The following RCOR1 variants were observed in gnomAD, a reference collection of about 807,000 sequenced individuals.
The protein encoded by RCOR1 is REST corepressor.
In RCOR1, 12 loss-of-function variants were observed where a neutral mutation model predicts 64.0. The observed-to-expected ratio is 0.19, with a 90% CI of 0.12 to 0.30. The LOEUF (loss-of-function observed/expected upper bound fraction) is 0.30, where lower values mean the gene tolerates loss of function less well. RCOR1 is among the 10% of genes least tolerant of loss of function. The pLI, the probability that RCOR1 is intolerant of heterozygous loss-of-function variation, is 1.00. For missense variants in RCOR1, 502 were observed against 621.2 expected, an observed-to-expected ratio of 0.81 and a Z score of 2.04; for synonymous variants, 279 against 227.2, an observed-to-expected ratio of 1.23 and a Z score of -2.05.
chr14:102,676,047 T>C (rs905127739), intron 2 of RCOR1, among the ~76,000 whole-genome samples: 16 of 142,780 alleles, frequency 1.1e-4, no homozygotes, highest in Non-Finnish European at 2.3e-4. Flanking sequence ...TTTTTTTTTT[T>C]TCCCCAAGGC....
chr14:102,624,698 C>T (rs1482318382), intron 2 of RCOR1, among the ~76,000 whole-genome samples: 1 of 150,068 alleles, frequency 6.7e-6, no homozygotes, highest in Non-Finnish European at 1.5e-5. Context: ...CCTAGGAGGT[C>T]GAGGTTCCAG....
chr14:102,639,093 T>C (rs1894304558), intron 2 of RCOR1, among the ~76,000 whole-genome samples: 1 of 152,176 alleles, frequency 6.6e-6, no homozygotes, highest in Non-Finnish European at 1.5e-5. Flanking sequence ...GTTTATAACT[T>C]GTTGCTAGGC....
intron 2 of RCOR1, among the ~76,000 whole-genome samples, chr14:102,676,834 G>A (rs1367153941): frequency 4.3e-5 from 4 of 92,176 alleles, no homozygotes; most frequent in African/African-American, 1.7e-4. Flanking sequence ...CCTCCCGGAC[G>A]GGGCGGCTGG....
intron 2 of RCOR1, among the ~76,000 whole-genome samples, chr14:102,678,172 C>G (rs993169708): frequency 1.3e-5 from 2 of 152,034 alleles, no homozygotes; most frequent in African/African-American, 4.8e-5. Context: ...AGCTTTGGCT[C>G]GGCATCAGAG....
intron 3 of RCOR1, among the ~76,000 whole-genome samples, chr14:102,687,964 C>CT (rs10712788): frequency 0.054 from 7,332 of 135,582 alleles, 306 homozygotes; most frequent in Non-Finnish European, 0.07. Flanking sequence ...ATAGCATTTC[C>CT]TTTTTTTTTT....
intron 2 of RCOR1, among the ~76,000 whole-genome samples, chr14:102,593,715 G>A (rs1349417721): frequency 1.3e-5 from 2 of 152,152 alleles, no homozygotes; most frequent in Non-Finnish European, 2.9e-5. Context: ...CCGGACTTAG[G>A]AGGTCCCCAG....
At chr14:102,652,274 A>G (rs1222126806) in intron 2 of RCOR1, among the ~76,000 whole-genome samples, 1 of 152,216 alleles carries the variant, frequency 6.6e-6, no homozygotes, top group Non-Finnish European at 1.5e-5. Flanking sequence ...ACTCTCCTTC[A>G]GTCTAGGCAG....
intron 2 of RCOR1, chr14:102,657,300 A>G: frequency 1.0e-6 from 1 of 985,262 alleles, no homozygotes; most frequent in Non-Finnish European, 1.2e-6. Flanking sequence ...CTTTTAGGCG[A>G]TATGTCCTCA....
At chr14:102,707,308 G>A (rs767876442) in intron 4 of RCOR1, 43 bp from the exon 5 acceptor site, 1 of 1,435,108 alleles carries the variant, frequency 7.0e-7, no homozygotes, top group Middle Eastern at 1.8e-4. Context: ...CATTTTCATT[G>A]TTTTTTGTTT....
intron 2 of RCOR1, among the ~76,000 whole-genome samples, chr14:102,677,982 C>T (rs1382514377): frequency 5.3e-5 from 8 of 151,668 alleles, no homozygotes; most frequent in Admixed American, 4.6e-4. Flanking sequence ...GCGGATCACT[C>T]GCGGTTAGGA....
At chr14:102,630,709 G>T (rs1654264632) in intron 2 of RCOR1, among the ~76,000 whole-genome samples, 1 of 152,086 alleles carries the variant, frequency 6.6e-6, no homozygotes, top group African/African-American at 2.4e-5. Flanking sequence ...TTCCTTTTCT[G>T]GTTCAAGTTA....
Position 102,593,342 on chromosome 14 carries a change from G to A in RCOR1, c.361+17G>A. On this transcript the variant is annotated intron_variant, in intron 2 of 11. Transcript: ENST00000262241. ...TCGACCCCGGTGAGTAGCGGCCCCG[G>A]CCGGCCGGCGGCGGGGATGAGCGGG... 1.3e-6 allele frequency: 2 copies of A among 1,526,804 alleles called. No homozygotes were observed. Among genetic ancestry groups the A allele is most frequent in the Non-Finnish European group, 8.7e-7 (1 of 1,145,516 alleles). 94.6% of individuals were successfully genotyped at this position (1,526,804 alleles called of 1,614,324 possible).
chr14:102,624,323 G>A (rs1949949724), intron 2 of RCOR1, among the ~76,000 whole-genome samples: 2 of 151,878 alleles, frequency 1.3e-5, no homozygotes, highest in African/African-American at 4.8e-5. Context: ...GGCCAACATG[G>A]TGAAACCCTA....
At position 102,713,345 on chromosome 14, in the gene RCOR1, G is replaced by A. The variant is rs563407684; in HGVS notation, c.859-1078G>A. Among the ~76,000 whole-genome samples the A allele has an allele frequency of 3.6e-3, 528 of 147,636 alleles. 3 individuals are homozygous for A. Among genetic ancestry groups the A allele is most frequent in the Middle Eastern group, 7.8e-3 (2 of 258 alleles). On this transcript the variant is annotated intron_variant, in intron 7 of 11. Coordinates refer to ENST00000262241, the MANE Select transcript of RCOR1 (RefSeq NM_015156.4). ...GCAATCTCGGCTCACTGCAAGCTGC[G>A]CCTCCCAGGTTCATGCCATTCTCCT...
rs1316119592 is a variant in RCOR1 at position 102,593,140 on chromosome 14, A to G, written c.254A>G (p.Asn85Ser). Reference sequence around the variant, plus strand: ...GCGCCCAATGGCAACAGCAGCAGCAACTCCTGGGAGGAAGGCAGCTCGGGC... The same window carrying G: ...GCGCCCAATGGCAACAGCAGCAGCAGCTCCTGGGAGGAAGGCAGCTCGGGC... ...AAAPNGNSSS[N>S]SWEEGSSGSS... Residue 85 changes from asparagine to serine, a missense_variant, in exon 1 of 12, where the codon AAC becomes AGC. Around this residue, in one of 2 missense-constraint regions of RCOR1, gnomAD observed 242 missense variants for 204.9 expected, o/e 1.18. Coordinates refer to ENST00000262241, the MANE Select transcript of RCOR1 (RefSeq NM_015156.4). 3 of 1,525,814 alleles carry G rather than the reference A, an allele frequency of 2.0e-6. No individual in the cohort carries two copies. Among genetic ancestry groups the G allele is most frequent in the South Asian group, 2.5e-5 (2 of 81,376 alleles). The allele number at this position is 1,525,814 out of a possible 1,614,324, so 94.5% of individuals were successfully genotyped here. A position where few individuals can be genotyped will look rare whatever the true frequency, so the allele number is the denominator to read the frequency against.
Position 102,592,676 on chromosome 14 carries a change from A to T in RCOR1, c.-211A>T. The T allele has an allele frequency of 8.2e-7, 1 of 1,225,264 alleles. No homozygotes were observed. The highest frequency in any genetic ancestry group is 1.0e-6 in the Non-Finnish European group (1 of 984,406). The allele number at this position is 1,225,264 out of a possible 1,614,324, so 75.9% of individuals were successfully genotyped here. A position where few individuals can be genotyped will look rare whatever the true frequency, so the allele number is the denominator to read the frequency against. On this transcript the variant is annotated 5_prime_UTR_variant, in exon 1 of 12. The change creates a premature stop within an existing upstream ORF in the 5' untranslated region. Coordinates refer to ENST00000262241, the MANE Select transcript of RCOR1 (RefSeq NM_015156.4). ...TGCCAGTGAAGTGAGGGCGGCGATG[A>T]GAGCGAAAGTTGCGCTCGGCTCGTC...
chr14:102,722,970 A>G (rs1401895764), intron 11 of RCOR1, among the ~76,000 whole-genome samples: 1 of 152,098 alleles, frequency 6.6e-6, no homozygotes, highest in Non-Finnish European at 1.5e-5. Flanking sequence ...ATGGTGGCTA[A>G]TTTCTGGAAT....
intron 3 of RCOR1, among the ~76,000 whole-genome samples, chr14:102,682,638 C>T (rs576709211): frequency 1.2e-4 from 19 of 152,262 alleles, no homozygotes; most frequent in Non-Finnish European, 2.5e-4. Flanking sequence ...TTGGGGATCT[C>T]TTTTCATCTC....
intron 2 of RCOR1, among the ~76,000 whole-genome samples, chr14:102,635,136 A>T (rs933220567): frequency 6.6e-6 from 1 of 152,106 alleles, no homozygotes; most frequent in Non-Finnish European, 1.5e-5. Flanking sequence ...ACCCAGTCCA[A>T]TGTTTCCTAG....
Sources: gnomAD v4.1 joint callset for allele counts (sites outside exome capture counted in the v4.1 genomes callset) on GRCh38, gnomAD v4.1.1 for gene constraint, gnomAD v4.1.1 regional missense constraint, MANE v1.5 for transcripts, NCBI Gene and HGNC (gene_info 2026-07-23, HGNC 2026-07-21) for gene names.